Variants in NLGN1 observed in about 807,000 individuals in gnomAD.
NLGN1 encodes the protein neuroligin-1.
Under a neutral mutation model 65.5 loss-of-function variants are expected in NLGN1, and 12 were observed. That is an observed-to-expected ratio of 0.18 (90% CI 0.12 to 0.30). The LOEUF (loss-of-function observed/expected upper bound fraction) is 0.30, where lower values mean the gene tolerates loss of function less well. NLGN1 is among the 10% of genes least tolerant of loss of function. The probability of loss-of-function intolerance (pLI) is 1.00; values close to 1 mark genes in which losing one functional copy is unlikely to be tolerated. For synonymous variants in NLGN1, 350 were observed against 359.5 expected (o/e 0.97, Z 0.30); for missense variants, 750 against 1,007.1 (o/e 0.74, Z 3.46).
chr3:173,945,106 A>G (rs1229714011), intron 4 of NLGN1, among the ~76,000 whole-genome samples: 1 of 151,956 alleles, frequency 6.6e-6, no homozygotes, highest in Non-Finnish European at 1.5e-5. Flanking sequence ...TTGAAAGTCA[A>G]TAACATGGTT....
chr3:173,562,998 A>G (rs1329520936), intron 2 of NLGN1, among the ~76,000 whole-genome samples: 2 of 152,160 alleles, frequency 1.3e-5, no homozygotes, highest in Non-Finnish European at 2.9e-5. Context: ...CATACACACA[A>G]AAACCATTCC....
intron 3 of NLGN1, among the ~76,000 whole-genome samples, chr3:173,636,506 T>C (rs906368223): frequency 6.6e-6 from 1 of 152,144 alleles, no homozygotes; most frequent in African/African-American, 2.4e-5. Flanking sequence ...TAATTTGTTT[T>C]GTTTTGTTAA....
chr3:173,974,385 T>C (rs1345425207), intron 4 of NLGN1, among the ~76,000 whole-genome samples: 5 of 152,062 alleles, frequency 3.3e-5, no homozygotes, highest in African/African-American at 7.2e-5. Flanking sequence ...TTTACTTAAA[T>C]AAGTAAGTCC....
chr3:174,293,849 T>C, the NLGN1 span, among the ~76,000 whole-genome samples: 5 of 150,524 alleles, frequency 3.3e-5, no homozygotes, highest in East Asian at 3.9e-4. Context: ...GATTTTACAA[T>C]TTTTTTTGCT....
chr3:173,910,002 G>C (rs754405895), intron 4 of NLGN1, among the ~76,000 whole-genome samples: 2 of 152,244 alleles, frequency 1.3e-5, no homozygotes, highest in South Asian at 2.1e-4. Flanking sequence ...TATAGTGAAG[G>C]CATGTTAGGT....
intron 4 of NLGN1, among the ~76,000 whole-genome samples, chr3:173,988,437 G>T (rs1720399746): frequency 6.6e-6 from 1 of 152,060 alleles, no homozygotes; most frequent in Admixed American, 6.6e-5. Flanking sequence ...ACAATCCTTT[G>T]TTAATAATCT....
At chr3:174,272,439 T>TTTAAC (rs1211727653) in intron 4 of NLGN1, among the ~76,000 whole-genome samples, 2 of 151,808 alleles carry the variant, frequency 1.3e-5, no homozygotes, top group African/African-American at 4.8e-5. Flanking sequence ...ATTTTGTGCC[T>TTTAAC]TTAACTTACC....
intron 2 of NLGN1, among the ~76,000 whole-genome samples, chr3:173,497,006 C>T (rs1031072977): frequency 1.3e-5 from 2 of 151,818 alleles, no homozygotes; most frequent in Admixed American, 6.5e-5. Flanking sequence ...GTGAGGGCAC[C>T]TTTCTTGATG....
At chr3:173,645,703 C>A (rs1159462565) in intron 3 of NLGN1, among the ~76,000 whole-genome samples, 2 of 152,146 alleles carry the variant, frequency 1.3e-5, no homozygotes, top group Non-Finnish European at 2.9e-5. Flanking sequence ...TCTAGCATTC[C>A]AGGGGATGGA....
chr3:173,853,201 A>C (rs1727314261), intron 4 of NLGN1, among the ~76,000 whole-genome samples: 1 of 152,204 alleles, frequency 6.6e-6, no homozygotes, highest in Non-Finnish European at 1.5e-5. Context: ...AGACAGGATA[A>C]TGACAAATGC....
At chr3:173,641,096 A>G (rs28436596) in intron 3 of NLGN1, among the ~76,000 whole-genome samples, 2,071 of 152,276 alleles carry the variant, frequency 0.014, 65 homozygotes, top group African/African-American at 0.048. Flanking sequence ...TATTCTTGAT[A>G]ATCCTTGAGT....
intron 4 of NLGN1, among the ~76,000 whole-genome samples, chr3:173,963,920 G>A (rs956803033): frequency 1.3e-5 from 2 of 152,130 alleles, no homozygotes; most frequent in Non-Finnish European, 2.9e-5. Flanking sequence ...AAGCATGGGT[G>A]TGCAGAGATT....
At chr3:173,405,962 TA>T (rs1458975549) in intron 1 of NLGN1, among the ~76,000 whole-genome samples, 2 of 152,114 alleles carry the variant, frequency 1.3e-5, no homozygotes, top group African/African-American at 4.8e-5. Flanking sequence ...TAGTATGATA[TA>T]AATACATAAT....
chr3:174,076,679 TAGAGAG>T (rs3979619), intron 4 of NLGN1, among the ~76,000 whole-genome samples: 2,957 of 92,654 alleles, frequency 0.032, 40 homozygotes, highest in South Asian at 0.088. Flanking sequence ...TCTGGGACCA[TAGAGAG>T]AGAGAGAGAG....
At chr3:173,444,393 A>C (rs939273969) in intron 2 of NLGN1, among the ~76,000 whole-genome samples, 7 of 152,196 alleles carry the variant, frequency 4.6e-5, no homozygotes, top group African/African-American at 1.7e-4. Context: ...TGCTTGAATG[A>C]AATGAGCACG....
intron 3 of NLGN1, among the ~76,000 whole-genome samples, chr3:173,748,043 G>A (rs902968130): frequency 1.3e-5 from 2 of 151,520 alleles, no homozygotes; most frequent in African/African-American, 2.4e-5. Flanking sequence ...TAAGTGATCT[G>A]CCCATCTCTA....
intron 4 of NLGN1, among the ~76,000 whole-genome samples, chr3:173,874,764 A>C (rs1385987694): frequency 1.3e-5 from 2 of 152,214 alleles, no homozygotes; most frequent in Admixed American, 6.5e-5. Context: ...ATTAGAGACC[A>C]CTAAGTAAAA....
In NLGN1 at chr3:174,264,995, G is replaced by A. The variant is rs556556519; in HGVS notation, c.647-10320G>A. Among the ~76,000 whole-genome samples, 628 of 152,256 alleles carry A rather than the reference G, an allele frequency of 4.1e-3. 4 individuals are homozygous for A. The highest frequency in any genetic ancestry group is 0.013 in the African/African-American group (523 of 41,552). ...GGGGTGCCTCCCATTTAGGCTGCTC[G>A]GGGGTCAGGGGTCAGGGACCCACTT... On this transcript the variant is annotated intron_variant, in intron 4 of 6. Coordinates refer to ENST00000457714, the Ensembl canonical transcript of NLGN1.
intron 4 of NLGN1, among the ~76,000 whole-genome samples, chr3:174,012,702 G>T (rs1725797293): frequency 6.6e-6 from 1 of 152,082 alleles, no homozygotes; most frequent in Non-Finnish European, 1.5e-5. Flanking sequence ...TCAAATATTG[G>T]TCATAGCTGA....
Sources: gnomAD v4.1 joint callset for allele counts (sites outside exome capture counted in the v4.1 genomes callset) on GRCh38, gnomAD v4.1.1 for gene constraint, MANE v1.5 for transcripts, NCBI Gene and HGNC (gene_info 2026-07-23, HGNC 2026-07-21) for gene names.